Variants in ELMOD2 observed in about 807,000 individuals in gnomAD.
ELMOD2 encodes ELMO domain-containing protein 2.
In ELMOD2, 28 loss-of-function variants were observed where a neutral mutation model predicts 41.0. The ratio of observed to expected loss-of-function variants is 0.68; its 90% CI spans 0.51 to 0.94. The LOEUF (loss-of-function observed/expected upper bound fraction) is 0.94. Among genes scored for constraint, ELMOD2 ranks in the 40% least tolerant of loss-of-function variants. ELMOD2 has a pLI of 0.00. For missense variants in ELMOD2, 333 were observed against 343.1 expected, an observed-to-expected ratio of 0.97 and a Z score of 0.23; for synonymous variants, 106 against 107.2, an observed-to-expected ratio of 0.99 and a Z score of 0.07.
chr4:140,549,671 A>C (rs1735405370), intron 8 of ELMOD2, among the ~76,000 whole-genome samples: 1 of 145,146 alleles, frequency 6.9e-6, no homozygotes, highest in Non-Finnish European at 1.5e-5. Flanking sequence ...ATCTTTTGAA[A>C]GTACTACATC....
intron 3 of ELMOD2, among the ~76,000 whole-genome samples, chr4:140,531,323 C>G (rs114956325): frequency 1.5e-4 from 23 of 152,200 alleles, no homozygotes; most frequent in African/African-American, 5.5e-4. Context: ...AGATTAAGGA[C>G]TATTTATCAA....
intron 1 of ELMOD2, 116 bp downstream of exon 1, chr4:140,524,396 G>T (rs950779984): frequency 5.9e-6 from 1 of 168,720 alleles, no homozygotes; most frequent in Non-Finnish European, 1.2e-5. Context: ...CTGGGCCGGC[G>T]GGTCTTTGTG....
intron 6 of ELMOD2, 23 bp from the exon 7 acceptor site, chr4:140,542,547 TTTGA>T (rs1304512762): frequency 6.5e-7 from 1 of 1,532,564 alleles, no homozygotes; most frequent in Non-Finnish European, 9.0e-7. Context: ...CGTACATTTG[TTTGA>T]TTATTTTTCT....
At chr4:140,525,356 C>G in intron 1 of ELMOD2, 64 bp from the exon 2 acceptor site, 1 of 1,498,352 alleles carries the variant, frequency 6.7e-7, no homozygotes, top group Non-Finnish European at 9.0e-7. Flanking sequence ...GTTGTATAAA[C>G]TTTTTAAATT....
chr4:140,525,190 A>G, intron 1 of ELMOD2: 2 of 397,228 alleles, frequency 5.0e-6, no homozygotes, highest in Non-Finnish European at 4.5e-6. Flanking sequence ...GTTTGAGTAC[A>G]TTGTTTGAAT....
chr4:140,538,532 A>C (rs1014960710), intron 5 of ELMOD2, among the ~76,000 whole-genome samples: 1 of 152,212 alleles, frequency 6.6e-6, no homozygotes, highest in Non-Finnish European at 1.5e-5. Flanking sequence ...AAGTGTTTAA[A>C]ATAGTACCTG....
chr4:140,528,197 A>T (rs928480073), intron 3 of ELMOD2, among the ~76,000 whole-genome samples: 2 of 152,218 alleles, frequency 1.3e-5, no homozygotes, highest in Admixed American at 6.5e-5. Flanking sequence ...AGCCCAAGTC[A>T]AGGGGTGGAG....
At chr4:140,531,763 T>A (rs1389624024) in intron 3 of ELMOD2, among the ~76,000 whole-genome samples, 1 of 152,224 alleles carries the variant, frequency 6.6e-6, no homozygotes, top group African/African-American at 2.4e-5. Flanking sequence ...GCCAGTAAAT[T>A]GTTTGATTTT....
intron 2 of ELMOD2, among the ~76,000 whole-genome samples, chr4:140,526,436 G>A (rs1443715019): frequency 6.6e-6 from 1 of 152,110 alleles, no homozygotes; most frequent in African/African-American, 2.4e-5. Context: ...TTTTGAAGTC[G>A]CTTCTTTTCA....
intron 3 of ELMOD2, among the ~76,000 whole-genome samples, chr4:140,530,483 G>C (rs1252763566): frequency 2.6e-5 from 4 of 152,002 alleles, no homozygotes; most frequent in Non-Finnish European, 2.9e-5. Context: ...TTAAAGTAGT[G>C]GTTACAAGTT....
chr4:140,541,214 TTG>T (rs1397791060), intron 6 of ELMOD2, among the ~76,000 whole-genome samples: 1 of 152,190 alleles, frequency 6.6e-6, no homozygotes, highest in African/African-American at 2.4e-5. Flanking sequence ...GTCCATGAAA[TTG>T]TGATTTATAG....
rs767589110 is a variant in ELMOD2, at chr4:140,527,453, T to C, written c.143-13T>C. The C allele has an allele frequency of 2.5e-6, 4 of 1,577,856 alleles. No homozygotes were observed. The highest frequency in any genetic ancestry group is 3.4e-6 in the Non-Finnish European group (4 of 1,161,528). ...TAAGTGATAACATCTTTTTTTTTTT[T>C]TTGTCATTTCAGAAAATTCCTTGAC... On this transcript the variant is annotated splice_polypyrimidine_tract_variant and intron_variant, in intron 2 of 8. Coordinates refer to ENST00000323570, the MANE Select transcript of ELMOD2 (RefSeq NM_153702.4).
At position 140,552,844 on chromosome 4, in the gene ELMOD2, G is replaced by C. The variant is rs1366816181; in HGVS notation, c.*2469G>C. On this transcript the variant is annotated 3_prime_UTR_variant, in exon 9 of 9. Transcript: ENST00000323570. ...CAGGAAGTAGTCTAAAAAATTAACA[G>C]TTATGGTTTTAATAGGATCTGAAAG... 1 of 152,004 alleles carries C rather than the reference G, an allele frequency of 6.6e-6. No homozygotes were observed. The highest frequency in any genetic ancestry group is 1.5e-5 in the Non-Finnish European group (1 of 67,966). 9.4% of individuals were successfully genotyped at this position (152,004 alleles called of 1,614,324 possible).
intron 1 of ELMOD2, chr4:140,524,649 C>G: frequency 2.0e-6 from 2 of 985,422 alleles, no homozygotes; most frequent in Non-Finnish European, 1.2e-6. Context: ...CCTCCTCAGG[C>G]CCTAGTCCAG....
intron 8 of ELMOD2, among the ~76,000 whole-genome samples, chr4:140,546,375 T>C (rs977138446): frequency 1.2e-4 from 18 of 151,818 alleles, no homozygotes; most frequent in Admixed American, 9.2e-4. Context: ...TTAGGAGATA[T>C]ACCTAATGTA....
chr4:140,545,083 A>G (rs1347338847), intron 8 of ELMOD2, among the ~76,000 whole-genome samples: 2 of 151,882 alleles, frequency 1.3e-5, no homozygotes, highest in African/African-American at 2.4e-5. Flanking sequence ...TCTAATTCCA[A>G]TTTAGTTTCT....
chr4:140,546,609 T>TA (rs1204935942), intron 8 of ELMOD2, among the ~76,000 whole-genome samples: 57 of 131,656 alleles, frequency 4.3e-4, no homozygotes, highest in Admixed American at 9.1e-4. Context: ...CTTCATAAAA[T>TA]TAAAAAAAAA....
At chr4:140,525,294 C>A in intron 1 of ELMOD2, 126 bp from the exon 2 acceptor site, 1 of 1,042,552 alleles carries the variant, frequency 9.6e-7, no homozygotes, top group Non-Finnish European at 1.4e-6. Flanking sequence ...CCTAATTAAA[C>A]TGTCAAAACA....
chr4:140,537,288 G>T, intron 4 of ELMOD2, 124 bp from the exon 5 acceptor site: 1 of 799,990 alleles, frequency 1.3e-6, no homozygotes, highest in East Asian at 3.4e-5. Context: ...GTGGCCTTTG[G>T]TGGGTCTTAT....
Sources: gnomAD v4.1 joint callset for allele counts (sites outside exome capture counted in the v4.1 genomes callset) on GRCh38, gnomAD v4.1.1 for gene constraint, MANE v1.5 for transcripts, NCBI Gene and HGNC (gene_info 2026-07-23, HGNC 2026-07-21) for gene names.